Variants in CRTAC1 observed in about 807,000 individuals in gnomAD.
The protein encoded by CRTAC1 is acidic secreted protein in cartilage.
A neutral mutation model predicts 67.8 loss-of-function variants in CRTAC1; 37 were observed. That is an observed-to-expected ratio of 0.55 (90% CI 0.42 to 0.72). The LOEUF is 0.72. Ranked by LOEUF, CRTAC1 falls within the 30% of genes least tolerant of loss-of-function variation. CRTAC1 has a pLI of 0.00. For missense variants in CRTAC1, 780 were observed against 931.6 expected, an observed-to-expected ratio of 0.84 and a Z score of 2.12; for synonymous variants, 348 against 371.0, an observed-to-expected ratio of 0.94 and a Z score of 0.71.
At chr10:97,889,330 G>C (rs753466917) in intron 11 of CRTAC1, among the ~76,000 whole-genome samples, 2 of 152,132 alleles carry the variant, frequency 1.3e-5, no homozygotes, top group African/African-American at 2.4e-5. Context: ...CGAGCAACCA[G>C]GTTGGCGGTG....
At chr10:97,943,300 A>G (rs1299680513) in intron 2 of CRTAC1, among the ~76,000 whole-genome samples, 6 of 152,222 alleles carry the variant, frequency 3.9e-5, no homozygotes, top group Non-Finnish European at 7.3e-5. Flanking sequence ...AAACCTTTTA[A>G]GTAAACATAG....
At chr10:97,889,564 A>C (rs1332032356) in intron 11 of CRTAC1, among the ~76,000 whole-genome samples, 1 of 151,768 alleles carries the variant, frequency 6.6e-6, no homozygotes, top group South Asian at 2.1e-4. Context: ...CCCCGCATGC[A>C]CTCATTACCC....
At chr10:97,896,830 C>A in intron 9 of CRTAC1, 79 bp downstream of exon 9, 1 of 601,790 alleles carries the variant, frequency 1.7e-6, no homozygotes, top group Admixed American at 2.7e-5. Flanking sequence ...ACTGGCTGCC[C>A]CGTCCCTCCC....
intron 2 of CRTAC1, among the ~76,000 whole-genome samples, chr10:97,993,403 T>C (rs1418585845): frequency 6.6e-6 from 1 of 152,230 alleles, no homozygotes; most frequent in Non-Finnish European, 1.5e-5. Context: ...ATGAATCTGA[T>C]GGGTGTGCTG....
At chr10:97,938,191 G>A (rs1008029087) in intron 2 of CRTAC1, among the ~76,000 whole-genome samples, 1 of 152,182 alleles carries the variant, frequency 6.6e-6, no homozygotes, top group Non-Finnish European at 1.5e-5. Flanking sequence ...TGCATGTCCA[G>A]GGCGTGGCAT....
intron 11 of CRTAC1, among the ~76,000 whole-genome samples, chr10:97,892,495 T>C (rs1444010649): frequency 6.6e-6 from 1 of 152,202 alleles, no homozygotes; most frequent in East Asian, 1.9e-4. Context: ...AGTCAGGAAC[T>C]CAGACCGTGG....
At chr10:97,933,655 G>C (rs906176624) in intron 3 of CRTAC1, among the ~76,000 whole-genome samples, 12 of 152,234 alleles carry the variant, frequency 7.9e-5, no homozygotes, top group Non-Finnish European at 1.6e-4. Context: ...GATAGAGTGT[G>C]AACTTCACGA....
In CRTAC1 at chr10:97,975,253, C is replaced by T. The variant is rs914600345; in HGVS notation, c.224+35885G>A. 6.6e-6 allele frequency among the ~76,000 whole-genome samples: 1 copy of T among 152,106 alleles called. No homozygotes were observed. Among genetic ancestry groups the T allele is most frequent in the African/African-American group, 2.4e-5 (1 of 41,424 alleles). On this transcript the variant is annotated intron_variant, in intron 2 of 14. Coordinates refer to ENST00000370597, the MANE Select transcript of CRTAC1 (RefSeq NM_018058.7). The surrounding 1 kb of genome is among the most constrained non-coding windows in gnomAD (Gnocchi z 4.8). ...CTCAATCCCAGGTCGCAGAGGGACC[C>T]GGGGCCCGGCTGACTGATGCGGCTG...
intron 3 of CRTAC1, among the ~76,000 whole-genome samples, chr10:97,924,454 C>T (rs781583577): frequency 2.6e-5 from 4 of 152,130 alleles, no homozygotes; most frequent in Non-Finnish European, 4.4e-5. Context: ...AGGGAAGAGG[C>T]AGCAGGCTTA....
intron 2 of CRTAC1, among the ~76,000 whole-genome samples, chr10:98,000,983 T>C (rs1048342906): frequency 3.3e-5 from 5 of 152,124 alleles, no homozygotes; most frequent in Non-Finnish European, 7.4e-5. Flanking sequence ...AGTTCAAAGT[T>C]AAGTATGGTA....
At chr10:97,990,241 G>A (rs73334635) in intron 2 of CRTAC1, among the ~76,000 whole-genome samples, 2,714 of 152,170 alleles carry the variant, frequency 0.018, 73 homozygotes, top group African/African-American at 0.061. Context: ...ATAACCATCC[G>A]TCTTACTCCT....
At position 97,917,553 on chromosome 10, in the gene CRTAC1, C is replaced by T. The variant is rs138331242; in HGVS notation, c.662G>A (p.Gly221Asp). 6 of 1,601,814 alleles carry T rather than the reference C, an allele frequency of 3.7e-6. No homozygotes were observed. Among genetic ancestry groups the T allele is most frequent in the African/African-American group, 2.7e-5 (2 of 74,768 alleles). ...MDPEASDLSR[G>D]ILALRDVAAE... ...AGCCACATCTCTGAGCGCCAGAATGCCCCGGGAGAGGTCACTGGCCTCAGG... is the reference window on the plus strand; with the variant it reads ...AGCCACATCTCTGAGCGCCAGAATGTCCCGGGAGAGGTCACTGGCCTCAGG... The change falls in exon 5 of 15, where the codon GGC becomes GAC. Residue 221 changes from glycine to aspartate, a missense_variant. Coordinates refer to ENST00000370597, the MANE Select transcript of CRTAC1 (RefSeq NM_018058.7).
At chr10:97,960,708 G>T (rs571826631) in intron 2 of CRTAC1, among the ~76,000 whole-genome samples, 3 of 152,332 alleles carry the variant, frequency 2.0e-5, no homozygotes, top group African/African-American at 7.2e-5. Context: ...GCATGATTCT[G>T]GCTAAGAGAA....
At chr10:97,945,653 A>G (rs2051252513) in intron 2 of CRTAC1, among the ~76,000 whole-genome samples, 1 of 152,204 alleles carries the variant, frequency 6.6e-6, no homozygotes, top group Non-Finnish European at 1.5e-5. Flanking sequence ...CTAGGGAATA[A>G]ATTGGGTAAG....
intron 14 of CRTAC1, chr10:97,869,392 T>A (rs1397220785): frequency 6.6e-6 from 1 of 152,420 alleles, no homozygotes; most frequent in East Asian, 1.9e-4. Flanking sequence ...GCCATGTCCC[T>A]GCACCCACCT....
intron 2 of CRTAC1, among the ~76,000 whole-genome samples, chr10:97,965,953 G>C (rs1159124708): frequency 2.0e-5 from 3 of 152,362 alleles, no homozygotes; most frequent in African/African-American, 7.2e-5. Flanking sequence ...TGGGGCAGGG[G>C]AGAGGTGATT....
chr10:98,000,530 C>G (rs986844134), intron 2 of CRTAC1, among the ~76,000 whole-genome samples: 1 of 152,212 alleles, frequency 6.6e-6, no homozygotes, highest in Non-Finnish European at 1.5e-5. Context: ...CACCCCTTGC[C>G]ACTCCACATC....
intron 8 of CRTAC1, among the ~76,000 whole-genome samples, chr10:97,898,336 G>A (rs2050489494): frequency 6.6e-6 from 1 of 152,192 alleles, no homozygotes; most frequent in South Asian, 2.1e-4. Context: ...CCAGAGTTGG[G>A]GAAGCTCACC....
At chr10:98,003,077 C>G (rs2136686143) in intron 2 of CRTAC1, among the ~76,000 whole-genome samples, 1 of 152,204 alleles carries the variant, frequency 6.6e-6, no homozygotes, top group Middle Eastern at 3.4e-3. Context: ...GCCACTGCGC[C>G]CGGCCCAAAA....
Sources: gnomAD v4.1 joint callset for allele counts (sites outside exome capture counted in the v4.1 genomes callset) on GRCh38, gnomAD v4.1.1 for gene constraint, Gnocchi (gnomAD v3.1) non-coding constraint, MANE v1.5 for transcripts, NCBI Gene and HGNC (gene_info 2026-07-23, HGNC 2026-07-21) for gene names.